ANKMY2: variants seen among roughly 807,000 people sequenced by gnomAD.
ANKMY2 encodes the protein ankyrin repeat and MYND domain containing 2.
Under a neutral mutation model 50.4 loss-of-function variants are expected in ANKMY2, and 36 were observed. The observed-to-expected ratio is 0.71, with a 90% confidence interval of 0.55 to 0.94. ANKMY2 has a LOEUF of 0.94. Among genes scored for constraint, ANKMY2 ranks in the 40% least tolerant of loss-of-function variants. The pLI is 0.00. For synonymous variants in ANKMY2, 187 were observed against 178.8 expected, an observed-to-expected ratio of 1.05 and a Z score of -0.36; for missense variants, 565 against 524.0, an observed-to-expected ratio of 1.08 and a Z score of -0.76.
chr7:16,608,933 G>A (rs185916668), intron 7 of ANKMY2, among the ~76,000 whole-genome samples: 225 of 152,250 alleles, frequency 1.5e-3, no homozygotes, highest in Non-Finnish European at 3.0e-3. Context: ...CCTGGGAAAT[G>A]GAGGTTGCAG....
At chr7:16,613,920 C>CAA (rs143274762) in intron 5 of ANKMY2, among the ~76,000 whole-genome samples, 1,587 of 111,764 alleles carry the variant, frequency 0.014, 23 homozygotes, top group African/African-American at 0.036. Context: ...GACCCTATCT[C>CAA]AAAAAAAAAA....
At chr7:16,617,917 G>GTTTTTTTTTTTTTTTTTTTTT (rs780533044) in intron 4 of ANKMY2, among the ~76,000 whole-genome samples, 1 of 110,882 alleles carries the variant, frequency 9.0e-6, no homozygotes, top group African/African-American at 3.5e-5. Flanking sequence ...CAGTGAGCGT[G>GTTTTTTTTTTTTTTTTTTTTT]TTTTTTTTTT....
intron 7 of ANKMY2, among the ~76,000 whole-genome samples, chr7:16,606,332 G>A (rs1169355729): frequency 6.6e-6 from 1 of 152,078 alleles, no homozygotes; most frequent in Non-Finnish European, 1.5e-5. Flanking sequence ...GGGAGGCTGA[G>A]GCAGAAGGAT....
At chr7:16,645,328 C>T (rs1422265197) in intron 1 of ANKMY2, among the ~76,000 whole-genome samples, 179 bp downstream of exon 1, 2 of 152,180 alleles carry the variant, frequency 1.3e-5, no homozygotes, top group East Asian at 1.9e-4. Flanking sequence ...TTCTGCCTCC[C>T]CACCTCTCCG....
rs1006314780 is a variant in ANKMY2, at chr7:16,645,720, T to G, written c.-147A>C. On this transcript the variant is annotated 5_prime_UTR_variant, in exon 1 of 10. Coordinates refer to ENST00000306999, the MANE Select transcript of ANKMY2 (RefSeq NM_020319.3). ...CCGCGGAAACGCTTCGCTTCTCTCC[T>G]CCCTCCCGCGGGCTGGCGGACAGCG... The G allele has an allele frequency of 1.0e-5, 9 of 859,702 alleles. No individual in the cohort carries two copies. The Admixed American group carries it at 1.1e-4, about 10-fold the overall frequency. 53.3% of individuals were successfully genotyped at this position (859,702 alleles called of 1,614,324 possible). A position where few individuals can be genotyped will look rare whatever the true frequency, so the allele number is the denominator to read the frequency against.
At chr7:16,645,447 G>T (rs990846359) in intron 1 of ANKMY2, 60 bp downstream of exon 1, 1 of 1,525,554 alleles carries the variant, frequency 6.6e-7, no homozygotes, top group African/African-American at 1.4e-5. Context: ...GCGCCCCCCG[G>T]GCTCCGCCAC....
chr7:16,625,081 C>T lies in ANKMY2; in HGVS notation c.272G>A (p.Gly91Asp). Residue 91 changes from glycine to aspartate, a missense_variant and splice_region_variant, in exon 4 of 10, where the codon GGT becomes GAT. Transcript: ENST00000306999. The stretch of plus-strand genomic sequence containing the variant: ...CATTACCCATGTGATGTCTTTATTA[C>T]CTAGAGTTTTAAAGGGAACACATTT... Reference protein sequence around the residue: ...YTALMFAALSGNKDITWVMLE... With the variant: ...YTALMFAALSDNKDITWVMLE... 6.2e-7 allele frequency: 1 copy of T among 1,611,746 alleles called. No homozygotes were observed.
chr7:16,606,082 G>A (rs944016796), intron 7 of ANKMY2, among the ~76,000 whole-genome samples: 1 of 152,166 alleles, frequency 6.6e-6, no homozygotes, highest in East Asian at 1.9e-4. Flanking sequence ...TTCCCAAAGT[G>A]CTGGGACTAC....
chr7:16,644,031 CGA>C (rs369813098), intron 1 of ANKMY2, among the ~76,000 whole-genome samples: 1 of 151,366 alleles, frequency 6.6e-6, no homozygotes, highest in East Asian at 1.9e-4. Context: ...ACAGCGAGAG[CGA>C]GAGAGAGAGA....
At chr7:16,606,775 G>T (rs1237657081) in intron 7 of ANKMY2, among the ~76,000 whole-genome samples, 1 of 152,194 alleles carries the variant, frequency 6.6e-6, no homozygotes, top group Non-Finnish European at 1.5e-5. Flanking sequence ...GATTCAAGAA[G>T]TATTTTAAAA....
intron 3 of ANKMY2, among the ~76,000 whole-genome samples, chr7:16,626,574 C>T (rs890396463): frequency 1.2e-4 from 19 of 152,144 alleles, no homozygotes; most frequent in Non-Finnish European, 2.5e-4. Flanking sequence ...GACAGTATTT[C>T]TAAATTGTCC....
At chr7:16,638,006 T>C (rs1781691416) in intron 1 of ANKMY2, among the ~76,000 whole-genome samples, 1 of 152,200 alleles carries the variant, frequency 6.6e-6, no homozygotes, top group African/African-American at 2.4e-5. Flanking sequence ...CAATCTAAGT[T>C]AACATATTCT....
chr7:16,607,492 C>T (rs750831587), intron 7 of ANKMY2, among the ~76,000 whole-genome samples: 9 of 151,976 alleles, frequency 5.9e-5, no homozygotes, highest in African/African-American at 1.5e-4. Context: ...CGCTTGAACC[C>T]GGAAGACTGA....
At position 16,604,836 on chromosome 7, in the gene ANKMY2, G is replaced by C. The variant is rs2128341786; in HGVS notation, c.896C>G (p.Thr299Ser). ...IAPVEIGSDP[T>S]AFSVLTQAIT... ...GGCTTGGGTAAGGACGGAGAATGCAGTGGGATCAGAACCCTAGAGTGGGCA... is the reference window on the plus strand; with the variant it reads ...GGCTTGGGTAAGGACGGAGAATGCACTGGGATCAGAACCCTAGAGTGGGCA... Residue 299 changes from threonine (T) to serine (S), a missense_variant, in exon 8 of 10, where the codon ACT becomes AGT. Transcript: ENST00000306999. 1 of 1,613,342 alleles carries C rather than the reference G, an allele frequency of 6.2e-7. No homozygotes were observed. The highest frequency in any genetic ancestry group is 8.5e-7 in the Non-Finnish European group (1 of 1,179,708).
chr7:16,605,354 A>T (rs1458347208), intron 7 of ANKMY2, among the ~76,000 whole-genome samples: 1 of 152,232 alleles, frequency 6.6e-6, no homozygotes, highest in East Asian at 1.9e-4. Context: ...CAAATAAATT[A>T]TCACCATTAT....
In ANKMY2 at chr7:16,600,054, A is replaced by G. The variant is rs1336899508; in HGVS notation, c.*707T>C. The G allele has an allele frequency of 6.6e-6, 1 of 152,328 alleles. No individual in the cohort carries two copies. The highest frequency in any genetic ancestry group is 6.5e-5 in the Admixed American group (1 of 15,304). 9.4% of individuals were successfully genotyped at this position (152,328 alleles called of 1,614,324 possible). On this transcript the variant is annotated 3_prime_UTR_variant, in exon 10 of 10. Coordinates refer to ENST00000306999, the MANE Select transcript of ANKMY2 (RefSeq NM_020319.3). ...TAGTATGTTTAGTCATTATTGAATC[A>G]AAAGTTTCAGGAAGTACCTTTTTTA... is the stretch of plus-strand genomic sequence containing the variant.
chr7:16,615,285 C>T (rs919378224), intron 5 of ANKMY2, among the ~76,000 whole-genome samples: 1 of 152,152 alleles, frequency 6.6e-6, no homozygotes, highest in Non-Finnish European at 1.5e-5. Flanking sequence ...ATACCAGGCC[C>T]CCGGGGCTCT....
At position 16,638,143 on chromosome 7, in the gene ANKMY2, A is replaced by G. The variant is rs1781693003; in HGVS notation, c.68-1688T>C. Among the ~76,000 whole-genome samples, 3 of 152,252 alleles carry G rather than the reference A, an allele frequency of 2.0e-5. No individual in the cohort carries two copies. The South Asian group carries it at 6.2e-4, about 32-fold the overall frequency. ...ACACCAGATATATGGGGTTTCCCCC[A>G]TAAACACCAAGCAATTCTCCATTGG... On this transcript the variant is annotated intron_variant, in intron 1 of 9. Transcript: ENST00000306999.
chr7:16,621,683 T>C (rs1475413845), intron 4 of ANKMY2, among the ~76,000 whole-genome samples: 2 of 152,018 alleles, frequency 1.3e-5, no homozygotes, highest in Admixed American at 6.6e-5. Flanking sequence ...TACTTAAAAA[T>C]AAATTTCCTG....
Sources: gnomAD v4.1 joint callset for allele counts (sites outside exome capture counted in the v4.1 genomes callset) on GRCh38, gnomAD v4.1.1 for gene constraint, MANE v1.5 for transcripts, NCBI Gene and HGNC (gene_info 2026-07-23, HGNC 2026-07-21) for gene names.